RABGAP1L: variants seen among roughly 807,000 people sequenced by gnomAD.
RABGAP1L encodes rab GTPase-activating protein 1-like.
RABGAP1L carries 63 observed loss-of-function variants against 137.7 expected under a neutral mutation model. The ratio of observed to expected loss-of-function variants is 0.46; its 90% CI spans 0.37 to 0.56. The LOEUF (loss-of-function observed/expected upper bound fraction) is 0.56, where lower values mean the gene tolerates loss of function less well. RABGAP1L is among the 20% of genes least tolerant of loss of function. The pLI, the probability that RABGAP1L is intolerant of heterozygous loss-of-function variation, is 0.00. For synonymous variants in RABGAP1L, 431 were observed against 433.7 expected, an observed-to-expected ratio of 0.99 and a Z score of 0.08; for missense variants, 1,095 against 1,244.0, an observed-to-expected ratio of 0.88 and a Z score of 1.80.
intron 19 of RABGAP1L, among the ~76,000 whole-genome samples, chr1:174,942,208 G>A (rs1228615834): frequency 2.0e-5 from 3 of 152,198 alleles, no homozygotes; most frequent in Non-Finnish European, 4.4e-5. Context: ...GAGGAAAGTA[G>A]TGCTGTCTAT....
chr1:174,250,990 G>C (rs1000290767), intron 6 of RABGAP1L, among the ~76,000 whole-genome samples: 8 of 152,166 alleles, frequency 5.3e-5, no homozygotes, highest in Non-Finnish European at 1.0e-4. Context: ...TAGGAGAGAC[G>C]GGGTTTCACC....
chr1:174,784,154 G>A (rs1687273239), intron 18 of RABGAP1L, among the ~76,000 whole-genome samples: 1 of 150,878 alleles, frequency 6.6e-6, no homozygotes. Flanking sequence ...CGAGTAGCTG[G>A]GACTACAGGC....
chr1:174,808,267 A>G (rs950726061), intron 18 of RABGAP1L, among the ~76,000 whole-genome samples: 2 of 152,090 alleles, frequency 1.3e-5, no homozygotes, highest in African/African-American at 4.8e-5. Context: ...GATTACAGGC[A>G]TGAGCTACCG....
chr1:174,616,452 C>T (rs1406049035), intron 13 of RABGAP1L, among the ~76,000 whole-genome samples: 2 of 152,206 alleles, frequency 1.3e-5, no homozygotes, highest in Admixed American at 1.3e-4. Context: ...TTATTCAGTA[C>T]TCATTTACCT....
In RABGAP1L at chr1:174,981,651, G is replaced by C. The variant is rs554648600; in HGVS notation, c.2734-1183G>C. ...TCTGAACACAGCTCACTGCAGCCTT[G>C]ACCTCCTGGGCTCAAGCGATCCTCC... is the stretch of plus-strand genomic sequence containing the variant. On this transcript the variant is annotated intron_variant, in intron 23 of 25. Transcript: ENST00000681986. Among the ~76,000 whole-genome samples, 64 of 129,970 alleles carry C rather than the reference G, an allele frequency of 4.9e-4. No individual in the cohort carries two copies. In the South Asian group the frequency reaches 0.014, roughly 29 times the overall value. The allele number at this position is 129,970 out of a possible 152,430, so 85.3% of individuals were successfully genotyped here. A position where few individuals can be genotyped will look rare whatever the true frequency, so the allele number is the denominator to read the frequency against.
intron 19 of RABGAP1L, among the ~76,000 whole-genome samples, chr1:174,941,950 T>A (rs1337710588): frequency 1.3e-5 from 2 of 152,234 alleles, no homozygotes; most frequent in African/African-American, 4.8e-5. Context: ...GTATCCCACA[T>A]AGCATGTGGC....
At chr1:174,989,815 T>C (rs1671935005) in intron 25 of RABGAP1L, 34 bp from the exon 26 acceptor site, 1 of 1,539,080 alleles carries the variant, frequency 6.5e-7, no homozygotes, top group Non-Finnish European at 8.8e-7. Flanking sequence ...AGAAAACATT[T>C]ATTTAACTCA....
At chr1:174,650,608 T>C (rs1432342630) in intron 14 of RABGAP1L, among the ~76,000 whole-genome samples, 1 of 152,056 alleles carries the variant, frequency 6.6e-6, no homozygotes, top group African/African-American at 2.4e-5. Context: ...CTAGATTTTC[T>C]AGTTTATTTG....
At chr1:174,935,757 G>C (rs1201156214) in intron 19 of RABGAP1L, among the ~76,000 whole-genome samples, 1 of 151,964 alleles carries the variant, frequency 6.6e-6, no homozygotes, top group Non-Finnish European at 1.5e-5. Context: ...CGAGGCGGGC[G>C]GATCACCTGA....
chr1:174,735,629 A>G (rs2148635032), intron 17 of RABGAP1L, among the ~76,000 whole-genome samples: 1 of 150,700 alleles, frequency 6.6e-6, no homozygotes, highest in East Asian at 2.0e-4. Flanking sequence ...AAAAAAAAAA[A>G]AAAAAAAAAA....
At chr1:174,700,263 G>T (rs1679549015) in intron 16 of RABGAP1L, 1 of 152,156 alleles carries the variant, frequency 6.6e-6, no homozygotes, top group African/African-American at 2.4e-5. Context: ...GCTGACAAAA[G>T]GAATTTTTAA....
At chr1:174,718,544 A>G (rs748093047) in intron 17 of RABGAP1L, among the ~76,000 whole-genome samples, 8 of 152,224 alleles carry the variant, frequency 5.3e-5, no homozygotes, top group Non-Finnish European at 1.0e-4. Flanking sequence ...CTGATGTCTC[A>G]GTTGGATATT....
intron 18 of RABGAP1L, among the ~76,000 whole-genome samples, chr1:174,792,963 T>A (rs534314021): frequency 1.3e-5 from 2 of 152,072 alleles, no homozygotes; most frequent in South Asian, 4.2e-4. Flanking sequence ...TGAAACCCCG[T>A]CTCTACTGAA....
At chr1:174,383,049 A>G (rs1306434887) in intron 12 of RABGAP1L, among the ~76,000 whole-genome samples, 33 of 149,312 alleles carry the variant, frequency 2.2e-4, no homozygotes, top group Middle Eastern at 3.4e-3. Flanking sequence ...ATACCCTGCG[A>G]TGTGAGGTGT....
intron 18 of RABGAP1L, among the ~76,000 whole-genome samples, chr1:174,764,555 A>G (rs1269737854): frequency 6.6e-6 from 1 of 152,174 alleles, no homozygotes; most frequent in African/African-American, 2.4e-5. Flanking sequence ...TCCTGTGGAT[A>G]AGGTTTCCTA....
chr1:174,406,083 A>G (rs1415704492), intron 13 of RABGAP1L, among the ~76,000 whole-genome samples: 1 of 152,168 alleles, frequency 6.6e-6, no homozygotes, highest in Non-Finnish European at 1.5e-5. Context: ...GCATAATTAT[A>G]TATTTGCTTA....
At chr1:174,744,336 C>G (rs1683698567) in intron 17 of RABGAP1L, among the ~76,000 whole-genome samples, 1 of 149,896 alleles carries the variant, frequency 6.7e-6, no homozygotes, top group African/African-American at 2.4e-5. Flanking sequence ...TTAAGAGCAG[C>G]TAGTATTAAC....
intron 7 of RABGAP1L, among the ~76,000 whole-genome samples, chr1:174,262,871 G>C (rs1317120581): frequency 6.6e-6 from 1 of 152,156 alleles, no homozygotes; most frequent in African/African-American, 2.4e-5. Context: ...GCCAGTAGAG[G>C]GTGTTGCAGG....
chr1:174,754,472 G>T (rs199879819), intron 18 of RABGAP1L, among the ~76,000 whole-genome samples: 33 of 151,122 alleles, frequency 2.2e-4, no homozygotes, highest in East Asian at 7.8e-4. Context: ...AAATTGCTGG[G>T]TTTTTTTTTC....
Sources: allele counts gnomAD v4.1 joint callset (sites outside exome capture counted in the v4.1 genomes callset), GRCh38; gene constraint gnomAD v4.1.1; transcripts MANE v1.5; gene names NCBI Gene and HGNC (gene_info 2026-07-23, HGNC 2026-07-21).